Variants in CLSPN observed in about 807,000 individuals in gnomAD.
CLSPN encodes the protein claspin homolog.
Under a neutral mutation model 156.3 loss-of-function variants are expected in CLSPN, and 85 were observed. The ratio of observed to expected loss-of-function variants is 0.54; its 90% CI spans 0.46 to 0.65. The LOEUF is 0.65. Among genes scored for constraint, CLSPN ranks in the 30% least tolerant of loss-of-function variants. The probability of loss-of-function intolerance (pLI) is 0.00; values close to 1 mark genes in which losing one functional copy is unlikely to be tolerated. For synonymous variants in CLSPN, 534 were observed against 542.4 expected (o/e 0.98, Z 0.22); for missense variants, 1,407 against 1,554.9 (o/e 0.90, Z 1.60).
chr1:35,730,452 C>T (rs199567129), downstream of CLSPN, among the ~76,000 whole-genome samples: 6 of 151,904 alleles, frequency 3.9e-5, no homozygotes, highest in East Asian at 1.2e-3. Context: ...CACCTGTAAC[C>T]CCAGCTACTT....
intron 8 of CLSPN, among the ~76,000 whole-genome samples, chr1:35,755,306 G>A (rs1487441822): frequency 1.4e-5 from 2 of 139,774 alleles, no homozygotes; most frequent in Non-Finnish European, 3.1e-5. Context: ...TCACTCTGTT[G>A]CCCAGGCCAA....
In CLSPN at chr1:35,733,490, C is replaced by G. The variant is rs1313044378; in HGVS notation, c.*3006G>C. ...TGTCAATTCCAATTGTCTTTTCTATCTCTCCTCAAAAGACATGTAGGGAAA... is the reference window on the plus strand; with the variant it reads ...TGTCAATTCCAATTGTCTTTTCTATGTCTCCTCAAAAGACATGTAGGGAAA... On this transcript the variant is annotated 3_prime_UTR_variant, in exon 25 of 25. Transcript: ENST00000318121. 1.0e-6 allele frequency: 1 copy of G among 985,136 alleles called. No homozygotes were observed. Among genetic ancestry groups the G allele is most frequent in the African/African-American group, 1.7e-5 (1 of 57,192 alleles). 61.0% of individuals were successfully genotyped at this position (985,136 alleles called of 1,614,324 possible).
In CLSPN at chr1:35,736,294, A is replaced by T; in HGVS notation, c.*202T>A. 1 of 1,209,640 alleles carries T rather than the reference A, an allele frequency of 8.3e-7. No homozygotes were observed. The highest frequency in any genetic ancestry group is 1.0e-6 in the Non-Finnish European group (1 of 973,618). 74.9% of individuals were successfully genotyped at this position (1,209,640 alleles called of 1,614,324 possible). ...ATGTTGTAAATACTGCAGAATTGAA[A>T]TCAGTGGCCAATTCAGGGAATAATA... is the stretch of plus-strand genomic sequence containing the variant. On this transcript the variant is annotated 3_prime_UTR_variant, in exon 25 of 25. Coordinates refer to ENST00000318121, the MANE Select transcript of CLSPN (RefSeq NM_022111.4).
intron 8 of CLSPN, 37 bp downstream of exon 8, chr1:35,760,305 T>C: frequency 6.6e-7 from 1 of 1,506,520 alleles, no homozygotes; most frequent in Non-Finnish European, 9.1e-7. Flanking sequence ...ACCAGGATAA[T>C]CACTCCAGGG....
At chr1:35,720,368 G>A (rs1036812994) in exon 25 of CLSPN, 1 of 151,766 alleles carries the variant, frequency 6.6e-6, no homozygotes, top group African/African-American at 2.4e-5. Context: ...CAGATCCTGT[G>A]GCCTAAGTCT....
At chr1:35,731,967 T>C (rs1004600430), downstream of CLSPN, 2 of 163,968 alleles carry the variant, frequency 1.2e-5, no homozygotes, top group African/African-American at 4.8e-5. Flanking sequence ...GAGGTGAATT[T>C]CTTTTTTCTG....
chr1:35,747,905 A>G lies in CLSPN; in HGVS notation c.2627+2T>C. On this transcript the variant is annotated splice_donor_variant, in intron 14 of 24. Transcript: ENST00000318121. LOFTEE classifies it high-confidence loss of function. Reference sequence around the variant, plus strand: ...CGCCCACAGAAACACAAAACTACCTACCCATCTGCATCCAACAGTTGGCTC... The same window carrying G: ...CGCCCACAGAAACACAAAACTACCTGCCCATCTGCATCCAACAGTTGGCTC... 1 of 1,612,028 alleles carries G rather than the reference A, an allele frequency of 6.2e-7. No individual in the cohort carries two copies. Among genetic ancestry groups the G allele is most frequent in the Non-Finnish European group, 8.5e-7 (1 of 1,179,424 alleles).
At chr1:35,748,111 G>T (rs516992) in intron 13 of CLSPN, 50 bp from the exon 14 acceptor site, 1,568,508 of 1,573,410 alleles carry the variant, frequency 1, 781,934 homozygotes, top group East Asian at 1. Context: ...ACAAATGTCA[G>T]TCATTGTCAT....
chr1:35,726,866 T>TA (rs926876004), intron 24 of CLSPN, among the ~76,000 whole-genome samples: 2 of 152,158 alleles, frequency 1.3e-5, no homozygotes, highest in Non-Finnish European at 2.9e-5. Flanking sequence ...AACTAAGGCC[T>TA]GGACAGTTTA....
intron 16 of CLSPN, 116 bp downstream of exon 16, chr1:35,745,335 A>G: frequency 1.4e-6 from 1 of 705,336 alleles, no homozygotes; most frequent in Non-Finnish European, 2.5e-6. Flanking sequence ...GGCATATATG[A>G]GACTCAAATC....
Position 35,764,668 on chromosome 1 carries a change from C to T in CLSPN, c.180G>A (p.Lys60=). The change falls in exon 3 of 25, where the codon AAG becomes AAA. Residue 60 remains lysine (K), a synonymous_variant. Transcript: ENST00000318121. ...IFVSKKLKNR[K]VLQDSDSETE... Reference sequence around the variant, plus strand: ...TTTCGGAATCACTGTCTTGTAGAACCTTCCTGTTTTTCAACTTCTTACTTA... The same window carrying T: ...TTTCGGAATCACTGTCTTGTAGAACTTTCCTGTTTTTCAACTTCTTACTTA... The T allele has an allele frequency of 6.3e-7, 1 of 1,587,960 alleles. No individual in the cohort carries two copies. The highest frequency in any genetic ancestry group is 1.2e-5 in the South Asian group (1 of 84,700).
chr1:35,769,791 A>G (rs200131360), intron 1 of CLSPN, 56 bp downstream of exon 1: 12 of 1,542,100 alleles, frequency 7.8e-6, no homozygotes, highest in Non-Finnish European at 1.1e-5. Context: ...GGCCCCACCT[A>G]ACCTCTCGGT....
At chr1:35,749,436 T>C in intron 12 of CLSPN, 31 bp downstream of exon 12, 1 of 1,603,874 alleles carries the variant, frequency 6.2e-7, no homozygotes, top group Non-Finnish European at 8.5e-7. Flanking sequence ...ACAAAAGAAA[T>C]GTTAAGTTCT....
chr1:35,768,086 T>C (rs1373873398), intron 1 of CLSPN, among the ~76,000 whole-genome samples: 3 of 152,172 alleles, frequency 2.0e-5, no homozygotes, highest in African/African-American at 4.8e-5. Flanking sequence ...AATTATTAAA[T>C]TGGTCAGGCA....
chr1:35,739,406 A>C lies in CLSPN; in HGVS notation c.3267T>G (p.Pro1089=), dbSNP rs1328084035. ...TTTGACTCTGCAGTTCCTCATCAGAAGGAAGTACTTCATCAATTACGTCCT... is the reference window on the plus strand; with the variant it reads ...TTTGACTCTGCAGTTCCTCATCAGACGGAAGTACTTCATCAATTACGTCCT... ...YEEDVIDEVL[P]SDEELQSQIK... Residue 1089 remains proline, a synonymous_variant, in exon 19 of 25, where the codon CCT becomes CCG. Transcript: ENST00000318121. 6.2e-7 allele frequency: 1 copy of C among 1,614,176 alleles called. No individual in the cohort carries two copies. Among genetic ancestry groups the C allele is most frequent in the South Asian group, 1.1e-5 (1 of 91,064 alleles).
chr1:35,752,353 G>A (rs1206264397), intron 9 of CLSPN, among the ~76,000 whole-genome samples: 3 of 152,114 alleles, frequency 2.0e-5, no homozygotes, highest in Non-Finnish European at 4.4e-5. Flanking sequence ...GCCAAGGTGG[G>A]CAGATCACGA....
chr1:35,732,934 T>G lies in CLSPN; in HGVS notation c.*3562A>C. The G allele has an allele frequency of 3.0e-6, 3 of 985,340 alleles. No homozygotes were observed. Among genetic ancestry groups the G allele is most frequent in the Non-Finnish European group, 3.6e-6 (3 of 829,906 alleles). The allele number at this position is 985,340 out of a possible 1,614,324, so 61.0% of individuals were successfully genotyped here. A position where few individuals can be genotyped will look rare whatever the true frequency, so the allele number is the denominator to read the frequency against. Reference sequence around the variant, plus strand: ...TTTTCTTTCTCCAAAGAGTGCTTTCTCCCAGGAGCCTCAATCAGAAACCAT... The same window carrying G: ...TTTTCTTTCTCCAAAGAGTGCTTTCGCCCAGGAGCCTCAATCAGAAACCAT... On this transcript the variant is annotated 3_prime_UTR_variant, in exon 25 of 25. Coordinates refer to ENST00000318121, the MANE Select transcript of CLSPN (RefSeq NM_022111.4).
intron 22 of CLSPN, chr1:35,737,760 C>A: frequency 2.2e-6 from 1 of 446,912 alleles, no homozygotes; most frequent in Non-Finnish European, 4.0e-6. Context: ...TACTCTGAGC[C>A]TTAGAACATA....
intron 18 of CLSPN, among the ~76,000 whole-genome samples, chr1:35,742,579 A>C (rs781419871): frequency 1.1e-4 from 16 of 151,992 alleles, no homozygotes; most frequent in Non-Finnish European, 2.1e-4. Context: ...GGGTTTCACC[A>C]TGTTGGTCAC....
Sources: allele counts gnomAD v4.1 joint callset (sites outside exome capture counted in the v4.1 genomes callset), GRCh38; gene constraint gnomAD v4.1.1; transcripts MANE v1.5; gene names NCBI Gene and HGNC (gene_info 2026-07-23, HGNC 2026-07-21).